TLE1: variants seen among roughly 807,000 people sequenced by gnomAD.
TLE1 encodes transducin-like enhancer protein 1.
A neutral mutation model predicts 89.8 loss-of-function variants in TLE1; 21 were observed. The ratio of observed to expected loss-of-function variants is 0.23; its 90% confidence interval spans 0.17 to 0.34. TLE1 has a LOEUF of 0.34. TLE1 is among the 10% of genes least tolerant of loss of function. TLE1 has a pLI of 1.00. For missense variants in TLE1, 795 were observed against 1,031.2 expected (o/e 0.77, Z 3.14); for synonymous variants, 447 against 407.6 (o/e 1.10, Z -1.16).
chr9:81,660,576 G>C (rs566858003), intron 4 of TLE1, among the ~76,000 whole-genome samples: 1 of 150,268 alleles, frequency 6.7e-6, no homozygotes, highest in East Asian at 2.0e-4. Context: ...ACCACACCCG[G>C]CTAATTTTTT....
chr9:81,657,682 T>C (rs532180913), intron 4 of TLE1, among the ~76,000 whole-genome samples: 8 of 152,212 alleles, frequency 5.3e-5, no homozygotes, highest in East Asian at 3.9e-4. Context: ...CTGTGAGGGA[T>C]TGGTTCAGAA....
At chr9:81,687,529 C>A in intron 1 of TLE1, 95 bp from the exon 2 acceptor site, 1 of 938,374 alleles carries the variant, frequency 1.1e-6, no homozygotes, top group South Asian at 1.5e-5. Flanking sequence ...GGGACATAAA[C>A]ATAAAGTTAG....
intron 9 of TLE1, among the ~76,000 whole-genome samples, chr9:81,617,638 G>T (rs1035802723): frequency 6.6e-6 from 1 of 152,216 alleles, no homozygotes; most frequent in African/African-American, 2.4e-5. Flanking sequence ...GCAGGTGCAG[G>T]TTGCAGTGAG....
chr9:81,687,478 C>T (rs771086980), intron 1 of TLE1, 44 bp from the exon 2 acceptor site: 8 of 1,474,834 alleles, frequency 5.4e-6, no homozygotes, highest in Middle Eastern at 1.7e-4. Flanking sequence ...GGAATGCGGG[C>T]GGATGAATAA....
intron 14 of TLE1, among the ~76,000 whole-genome samples, chr9:81,599,036 C>T (rs1443887077): frequency 6.6e-6 from 1 of 152,176 alleles, no homozygotes; most frequent in Admixed American, 6.5e-5. Flanking sequence ...AGCCTCATTT[C>T]CCCATTTTTA....
In TLE1 at chr9:81,585,580, G is replaced by A; in HGVS notation, c.2053C>T (p.His685Tyr). 6.2e-7 allele frequency: 1 copy of A among 1,614,140 alleles called. No individual in the cohort carries two copies. Among genetic ancestry groups the A allele is most frequent in the Non-Finnish European group, 8.5e-7 (1 of 1,180,032 alleles). Residue 685 changes from histidine (H) to tyrosine (Y), a missense_variant, in exon 18 of 20, where the codon CAC becomes TAC. Around this residue, in one of 4 missense-constraint regions of TLE1, gnomAD observed 214 missense variants for 354.9 expected, o/e 0.60. Coordinates refer to ENST00000376499, the MANE Select transcript of TLE1 (RefSeq NM_005077.5). Reference protein sequence around the residue: ...GMESSNVEVLHVNKPDKYQLH... With the variant: ...GMESSNVEVLYVNKPDKYQLH... ...TGGTACTTGTCAGGCTTGTTCACGT[G>A]CAGCACCTCCACATTGCTGCTCTCC...
At chr9:81,618,468 C>A (rs1172232248) in intron 9 of TLE1, among the ~76,000 whole-genome samples, 1 of 152,092 alleles carries the variant, frequency 6.6e-6, no homozygotes, top group Admixed American at 6.5e-5. Flanking sequence ...TAGCGTGTTA[C>A]AAGATATATT....
At chr9:81,632,759 G>T (rs1301797229) in intron 8 of TLE1, among the ~76,000 whole-genome samples, 5 of 152,056 alleles carry the variant, frequency 3.3e-5, no homozygotes, top group Non-Finnish European at 7.4e-5. Context: ...TTCTTTTTAA[G>T]AGCTTACTGG....
intron 6 of TLE1, among the ~76,000 whole-genome samples, chr9:81,636,913 G>A (rs927183253): frequency 2.0e-5 from 3 of 150,268 alleles, no homozygotes; most frequent in African/African-American, 7.4e-5. Context: ...TGAGGCAGGA[G>A]AATCATTTGA....
At position 81,688,218 on chromosome 9, in the gene TLE1, G is replaced by A. The variant is rs1834624778; in HGVS notation, c.23C>T (p.Pro8Leu). ...CACCACCACCCAGCCGCGCCTCACC[G>A]GGTGCCGGCTCTGCGGGAACATCGC... MFPQSRH[P>L]TPHQAAGQPF... Residue 8 changes from proline (P) to leucine (L), a missense_variant and splice_region_variant, in exon 1 of 20, where the codon CCG becomes CTG. Physicochemically the swap from Pro to Leu is moderately conservative, Grantham distance 98. Coordinates refer to ENST00000376499, the MANE Select transcript of TLE1 (RefSeq NM_005077.5). 3 of 1,597,340 alleles carry A rather than the reference G, an allele frequency of 1.9e-6. No homozygotes were observed. Among genetic ancestry groups the A allele is most frequent in the South Asian group, 1.1e-5 (1 of 90,216 alleles).
intron 8 of TLE1, among the ~76,000 whole-genome samples, chr9:81,630,898 G>C (rs950235301): frequency 1.3e-5 from 2 of 152,186 alleles, no homozygotes; most frequent in South Asian, 2.1e-4. Context: ...TGTGGACAGT[G>C]AACAGTTTAA....
intron 6 of TLE1, among the ~76,000 whole-genome samples, chr9:81,642,189 G>C (rs868257972): frequency 2.6e-5 from 4 of 152,208 alleles, no homozygotes; most frequent in Admixed American, 6.5e-5. Context: ...ACAGTATAGA[G>C]GTTTCTCAAA....
intron 6 of TLE1, among the ~76,000 whole-genome samples, chr9:81,650,674 G>C (rs1397858184): frequency 6.6e-6 from 1 of 152,088 alleles, no homozygotes; most frequent in Non-Finnish European, 1.5e-5. Context: ...TGTGATTAGA[G>C]AGCCCACTAA....
chr9:81,648,221 C>A (rs1012246465), intron 6 of TLE1, among the ~76,000 whole-genome samples: 2 of 143,988 alleles, frequency 1.4e-5, no homozygotes, highest in African/African-American at 2.6e-5. Flanking sequence ...TGCAGTGAGC[C>A]GAGATCACAC....
At chr9:81,627,409 G>C (rs569447976) in intron 8 of TLE1, among the ~76,000 whole-genome samples, 8 of 151,704 alleles carry the variant, frequency 5.3e-5, no homozygotes, top group African/African-American at 1.7e-4. Flanking sequence ...CCAAGGCCCC[G>C]ATATCCACCT....
At position 81,588,997 on chromosome 9, in the gene TLE1, ATCT is replaced by A. The variant is rs1282879398; in HGVS notation, c.1830-1172_1830-1170del. Among the ~76,000 whole-genome samples the A allele has an allele frequency of 2.6e-5, 4 of 152,232 alleles. No homozygotes were observed. The East Asian group carries it at 7.7e-4, about 29-fold the overall frequency. The stretch of plus-strand genomic sequence containing the variant: ...CAAGACGTGAACCATCACTTTTAAA[ATCT>A]TCTCTCTGCAAGCCATCCCCAACTT... On this transcript the variant is annotated intron_variant, in intron 16 of 19. Coordinates refer to ENST00000376499, the MANE Select transcript of TLE1 (RefSeq NM_005077.5).
intron 6 of TLE1, among the ~76,000 whole-genome samples, chr9:81,649,560 T>G (rs117349786): frequency 0.032 from 4,926 of 152,354 alleles, 110 homozygotes; most frequent in Non-Finnish European, 0.046. Flanking sequence ...TTCACACTTG[T>G]AATAGATGTC....
intron 4 of TLE1, among the ~76,000 whole-genome samples, chr9:81,677,242 C>CT (rs1056011864): frequency 7.7e-6 from 1 of 129,496 alleles, no homozygotes; most frequent in Non-Finnish European, 1.8e-5. Flanking sequence ...GTCTTCCCCC[C>CT]CCCAAAAAAA....
intron 4 of TLE1, among the ~76,000 whole-genome samples, chr9:81,662,691 T>C (rs536598188): frequency 6.7e-6 from 1 of 148,216 alleles, no homozygotes; most frequent in South Asian, 2.2e-4. Flanking sequence ...AAAGTGAAAC[T>C]CCGTATCAAA....
Sources: allele counts gnomAD v4.1 joint callset (sites outside exome capture counted in the v4.1 genomes callset), GRCh38; gene constraint gnomAD v4.1.1; regional missense constraint gnomAD v4.1.1; transcripts MANE v1.5; gene names NCBI Gene and HGNC (gene_info 2026-07-23, HGNC 2026-07-21).